RTL4: variants seen among roughly 807,000 people sequenced by gnomAD.
RTL4 encodes the protein retrotransposon Gag-like protein 4.
Under a neutral mutation model 5.3 loss-of-function variants are expected in RTL4, and 4 were observed. That is an observed-to-expected ratio of 0.75 (90% CI 0.37 to 1.72). The LOEUF is 1.72. Among genes scored for constraint, RTL4 ranks in the 40% most tolerant of loss-of-function variants. The pLI, the probability that RTL4 is intolerant of heterozygous loss-of-function variation, is 0.04. For synonymous variants in RTL4, 98 were observed against 87.3 expected, an observed-to-expected ratio of 1.12 and a Z score of -0.68; for missense variants, 260 against 227.1, an observed-to-expected ratio of 1.14 and a Z score of -0.93.
At chrX:112,455,622 T>C in exon 1 of RTL4, 1 of 1,209,971 alleles carries the variant, frequency 8.3e-7, no homozygotes, top group Non-Finnish European at 1.1e-6. Flanking sequence ...CCAAACGTTC[T>C]CGAGCTCCGG....
At chrX:112,403,729 G>C in the RTL4 span, among the ~76,000 whole-genome samples, 3 of 111,873 alleles carry the variant, frequency 2.7e-5, no homozygotes, top group South Asian at 1.1e-3. Context: ...CAAATTCTTG[G>C]TTTTATCACC....
the RTL4 span, among the ~76,000 whole-genome samples, chrX:112,084,404 G>A: frequency 5.4e-5 from 6 of 110,283 alleles, no homozygotes; most frequent in East Asian, 1.7e-3. Flanking sequence ...TTTGTGTCTG[G>A]GGGGAAGGGA....
chrX:112,095,009 A>C, the RTL4 span, among the ~76,000 whole-genome samples: 4 of 111,559 alleles, frequency 3.6e-5, no homozygotes, highest in South Asian at 1.5e-3. Context: ...ATGAGAAAAC[A>C]TTTGATACGT....
the RTL4 span, among the ~76,000 whole-genome samples, chrX:112,151,437 C>A: frequency 8.9e-6 from 1 of 111,969 alleles, no homozygotes; most frequent in Non-Finnish European, 1.9e-5. Flanking sequence ...ATCCCACAAC[C>A]TGGTGTGCAC....
the RTL4 span, among the ~76,000 whole-genome samples, chrX:112,193,025 A>G: frequency 8.9e-6 from 1 of 111,827 alleles, no homozygotes; most frequent in Non-Finnish European, 1.9e-5. Flanking sequence ...TCCATATATA[A>G]AATCCTTGGT....
the RTL4 span, among the ~76,000 whole-genome samples, chrX:112,393,423 C>T: frequency 1.8e-5 from 2 of 110,335 alleles, no homozygotes; most frequent in Admixed American, 9.6e-5. Context: ...TCACCGAAAT[C>T]GCAAAGATGG....
At chrX:112,201,973 T>TTGTGTGTGTGTGTGTG in the RTL4 span, among the ~76,000 whole-genome samples, 453 of 103,410 alleles carry the variant, frequency 4.4e-3, no homozygotes, top group Non-Finnish European at 7.3e-3. Context: ...TTGTGTGTGT[T>TTGTGTGTGTGTGTGTG]TGTGTGTGTG....
chrX:112,151,971 A>T, the RTL4 span, among the ~76,000 whole-genome samples: 1 of 111,947 alleles, frequency 8.9e-6, no homozygotes, highest in African/African-American at 3.2e-5. Context: ...AATTCAAAAT[A>T]CAAAATACCA....
the RTL4 span, among the ~76,000 whole-genome samples, chrX:112,193,989 C>T: frequency 2.7e-5 from 3 of 111,349 alleles, no homozygotes; most frequent in Admixed American, 2.9e-4. Flanking sequence ...ATGGCTGGAA[C>T]ACTCTGAGGT....
chrX:112,383,592 AC>A, the RTL4 span, among the ~76,000 whole-genome samples: 1 of 111,826 alleles, frequency 8.9e-6, no homozygotes, highest in East Asian at 2.8e-4. Context: ...ACACGAATAA[AC>A]CTGGGTGCCC....
chrX:112,406,254 A>G, the RTL4 span, among the ~76,000 whole-genome samples: 14 of 112,011 alleles, frequency 1.2e-4, no homozygotes, highest in African/African-American at 4.6e-4. Flanking sequence ...AAACTGGATC[A>G]TTTGTAAAGA....
At chrX:112,228,745 T>C in the RTL4 span, among the ~76,000 whole-genome samples, 3 of 111,726 alleles carry the variant, frequency 2.7e-5, no homozygotes, top group African/African-American at 9.8e-5. Flanking sequence ...TATGAGTTCA[T>C]TTTTTTTAGA....
At chrX:112,276,122 A>T in the RTL4 span, among the ~76,000 whole-genome samples, 4 of 111,772 alleles carry the variant, frequency 3.6e-5, no homozygotes, top group Non-Finnish European at 7.5e-5. Flanking sequence ...TTGGCTTTCA[A>T]TTTAAAGAAA....
chrX:112,259,529 G>GCTTT, the RTL4 span, among the ~76,000 whole-genome samples: 6 of 109,884 alleles, frequency 5.5e-5, no homozygotes, highest in East Asian at 8.8e-4. Flanking sequence ...GCCATTGAAA[G>GCTTT]CAATGGCAAA....
the RTL4 span, among the ~76,000 whole-genome samples, chrX:112,104,613 C>T: frequency 4.0e-4 from 45 of 111,906 alleles, no homozygotes; most frequent in African/African-American, 1.4e-3. Flanking sequence ...GGTAACACTT[C>T]ATTGTGGTTT....
At chrX:112,312,941 AAGG>A in the RTL4 span, among the ~76,000 whole-genome samples, 1 of 110,734 alleles carries the variant, frequency 9.0e-6, no homozygotes, top group Admixed American at 9.8e-5. Flanking sequence ...CTACATCAAA[AAGG>A]AGGATTAGTA....
At chrX:112,332,217 C>G in the RTL4 span, among the ~76,000 whole-genome samples, 5 of 110,200 alleles carry the variant, frequency 4.5e-5, no homozygotes, top group Non-Finnish European at 9.5e-5. Context: ...AATAGGAACA[C>G]TTTTACACTG....
the RTL4 span, among the ~76,000 whole-genome samples, chrX:112,139,833 T>TC: frequency 8.9e-6 from 1 of 111,777 alleles, no homozygotes; most frequent in Non-Finnish European, 1.9e-5. Flanking sequence ...GAGTGCAGTT[T>TC]CCCCCGTATT....
chrX:112,131,384 C>T, the RTL4 span, among the ~76,000 whole-genome samples: 1 of 111,123 alleles, frequency 9.0e-6, no homozygotes, highest in African/African-American at 3.3e-5. Context: ...AGCTCAAGAG[C>T]TCTGGGAGAA....
Sources: allele counts gnomAD v4.1 joint callset (sites outside exome capture counted in the v4.1 genomes callset), GRCh38; gene constraint gnomAD v4.1.1; transcripts MANE v1.5; gene names NCBI Gene and HGNC (gene_info 2026-07-23, HGNC 2026-07-21).